SLC22A23: variants seen among roughly 807,000 people sequenced by gnomAD.
SLC22A23 encodes the protein ion transporter protein.
In SLC22A23, 26 loss-of-function variants were observed where a neutral mutation model predicts 61.0. The observed-to-expected ratio is 0.43, with a 90% CI of 0.31 to 0.59. The LOEUF (loss-of-function observed/expected upper bound fraction) is 0.59, where lower values mean the gene tolerates loss of function less well. SLC22A23 is among the 20% of genes least tolerant of loss of function. The pLI, the probability that SLC22A23 is intolerant of heterozygous loss-of-function variation, is 0.11. For synonymous variants in SLC22A23, 430 were observed against 413.9 expected (o/e 1.04, Z -0.47); for missense variants, 796 against 934.7 (o/e 0.85, Z 1.94).
chr6:3,402,781 G>A (rs1356075654), intron 3 of SLC22A23, among the ~76,000 whole-genome samples: 1 of 152,230 alleles, frequency 6.6e-6, no homozygotes, highest in Non-Finnish European at 1.5e-5. Flanking sequence ...GTGCGCTAGA[G>A]GGCAGGAGCA....
chr6:3,371,034 G>T, intron 3 of SLC22A23, among the ~76,000 whole-genome samples: 1 of 152,342 alleles, frequency 6.6e-6, no homozygotes, highest in East Asian at 1.9e-4. Flanking sequence ...AGCTGACGAG[G>T]ATGTTATTTT....
chr6:3,303,982 C>G (rs1761797262), intron 4 of SLC22A23, among the ~76,000 whole-genome samples: 1 of 152,216 alleles, frequency 6.6e-6, no homozygotes, highest in Non-Finnish European at 1.5e-5. Context: ...TTAACAAATG[C>G]TGTTACAAAG....
chr6:3,295,408 G>T (rs1247934200), intron 5 of SLC22A23, among the ~76,000 whole-genome samples: 9 of 127,260 alleles, frequency 7.1e-5, no homozygotes, highest in Admixed American at 6.5e-4. Context: ...GTGAGGTGGT[G>T]GGAGGCAGAG....
chr6:3,379,987 G>C (rs534275035), intron 3 of SLC22A23, among the ~76,000 whole-genome samples: 1 of 152,122 alleles, frequency 6.6e-6, no homozygotes, highest in Non-Finnish European at 1.5e-5. Flanking sequence ...GCACGTGCGT[G>C]CATCTGTACA....
At position 3,273,289 on chromosome 6, in the gene SLC22A23, G is replaced by A. The variant is rs1758598353; in HGVS notation, c.1827C>T (p.Leu609=). The part of the protein sequence containing the change: ...LHHIIFACCT[L]ICIICILLLP... ...GCAGGAGGATGCAGATGATGCAGATGAGCGTGCAGCAGGCAAAGATGATGT... is the reference window on the plus strand; with the variant it reads ...GCAGGAGGATGCAGATGATGCAGATAAGCGTGCAGCAGGCAAAGATGATGT... Residue 609 remains leucine (L), a synonymous_variant, in exon 10 of 10, where the codon CTC becomes CTT. Transcript: ENST00000406686. 6.2e-7 allele frequency: 1 copy of A among 1,613,940 alleles called. No homozygotes were observed. The highest frequency in any genetic ancestry group is 8.5e-7 in the Non-Finnish European group (1 of 1,179,970).
intron 1 of SLC22A23, among the ~76,000 whole-genome samples, chr6:3,448,436 A>AC (rs1772016077): frequency 6.6e-6 from 1 of 152,080 alleles, no homozygotes; most frequent in Non-Finnish European, 1.5e-5. Context: ...CCCACACACC[A>AC]CCAGTTTGTG....
chr6:3,366,262 G>C (rs182988919), intron 3 of SLC22A23, among the ~76,000 whole-genome samples: 1 of 144,560 alleles, frequency 6.9e-6, no homozygotes, highest in East Asian at 2.1e-4. Flanking sequence ...GAACCCGGGA[G>C]GTGGAAGTTG....
Position 3,328,046 on chromosome 6 carries a change from T to C in SLC22A23, c.914-4044A>G. Reference sequence around the variant, plus strand: ...ATATAATTATTGCCAAGTCGCTCATTGGTCTCATTCGACATGGTGAGATCC... The same window carrying C: ...ATATAATTATTGCCAAGTCGCTCATCGGTCTCATTCGACATGGTGAGATCC... On this transcript the variant is annotated intron_variant, in intron 3 of 9. Transcript: ENST00000406686. The surrounding 1 kb of genome is among the most constrained non-coding windows in gnomAD (Gnocchi z 5.0). Among the ~76,000 whole-genome samples the C allele has an allele frequency of 6.6e-6, 1 of 152,056 alleles. No homozygotes were observed. Among genetic ancestry groups the C allele is most frequent in the East Asian group, 1.9e-4 (1 of 5,202 alleles).
At chr6:3,314,842 C>T (rs1022851127) in intron 4 of SLC22A23, among the ~76,000 whole-genome samples, 5 of 152,176 alleles carry the variant, frequency 3.3e-5, no homozygotes, top group African/African-American at 7.2e-5. Flanking sequence ...CACAATCTCA[C>T]GTCCTCCGCG....
intron 4 of SLC22A23, among the ~76,000 whole-genome samples, chr6:3,315,725 G>A (rs1353031047): frequency 3.3e-5 from 5 of 152,062 alleles, no homozygotes; most frequent in African/African-American, 7.2e-5. Flanking sequence ...TTAGCCAGGC[G>A]TGGTGGTGGG....
intron 2 of SLC22A23, among the ~76,000 whole-genome samples, chr6:3,411,615 T>C (rs1037455931): frequency 1.4e-4 from 21 of 146,900 alleles, no homozygotes; most frequent in African/African-American, 5.3e-4. Context: ...ATGCAAATTA[T>C]ATGTCAATAA....
chr6:3,364,078 T>C (rs1181398192), intron 3 of SLC22A23, among the ~76,000 whole-genome samples: 1 of 152,230 alleles, frequency 6.6e-6, no homozygotes, highest in South Asian at 2.1e-4. Flanking sequence ...AGCTTTTGCC[T>C]TCCCTCTCTC....
At position 3,328,364 on chromosome 6, in the gene SLC22A23, C is replaced by T. The variant is rs73354761; in HGVS notation, c.914-4362G>A. On this transcript the variant is annotated intron_variant, in intron 3 of 9. Coordinates refer to ENST00000406686, the MANE Select transcript of SLC22A23 (RefSeq NM_015482.2). The surrounding 1 kb of genome is among the most constrained non-coding windows in gnomAD (Gnocchi z 5.0). ...TCTGGGAGATACGCTTTTCGGAAGTCGTCAGATTCTTACAAATTTTCAGGA... is the reference window on the plus strand; with the variant it reads ...TCTGGGAGATACGCTTTTCGGAAGTTGTCAGATTCTTACAAATTTTCAGGA... Among the ~76,000 whole-genome samples the T allele has an allele frequency of 0.01, 1,595 of 152,142 alleles. 30 individuals carry two copies. The highest frequency in any genetic ancestry group is 0.034 in the African/African-American group (1,431 of 41,486).
rs146545331 is a variant in SLC22A23 at position 3,367,623 on chromosome 6, G to A, written c.913+42565C>T. 1.2e-4 allele frequency among the ~76,000 whole-genome samples: 19 copies of A among 152,300 alleles called. No individual in the cohort carries two copies. The East Asian group carries it at 3.7e-3, about 29-fold the overall frequency. ...CACTCATGTTCCCATCACAGATGAGGAGCCTGAGGGACGTAAGTTAGGTTG... is the reference window on the plus strand; with the variant it reads ...CACTCATGTTCCCATCACAGATGAGAAGCCTGAGGGACGTAAGTTAGGTTG... On this transcript the variant is annotated intron_variant, in intron 3 of 9. Coordinates refer to ENST00000406686, the MANE Select transcript of SLC22A23 (RefSeq NM_015482.2).
At chr6:3,282,386 C>A in intron 9 of SLC22A23, 1 of 692,630 alleles carries the variant, frequency 1.4e-6, no homozygotes, top group South Asian at 1.5e-5. Flanking sequence ...GCATTTCTGT[C>A]CAGGTGCCCA....
At chr6:3,325,983 C>A (rs1763257202) in intron 3 of SLC22A23, among the ~76,000 whole-genome samples, 1 of 152,248 alleles carries the variant, frequency 6.6e-6, no homozygotes, top group Non-Finnish European at 1.5e-5. Context: ...TGACATGATA[C>A]AATGAAAATA....
intron 3 of SLC22A23, among the ~76,000 whole-genome samples, chr6:3,348,627 G>C (rs759836412): frequency 2.6e-5 from 4 of 152,194 alleles, no homozygotes; most frequent in Non-Finnish European, 5.9e-5. Flanking sequence ...GCACGGAGCT[G>C]GGTGTGGTGC....
At chr6:3,428,951 T>A (rs922513198) in intron 1 of SLC22A23, among the ~76,000 whole-genome samples, 7 of 144,814 alleles carry the variant, frequency 4.8e-5, no homozygotes, top group African/African-American at 1.5e-4. Flanking sequence ...TCATGAGTCC[T>A]GAAGAGGGGG....
At chr6:3,296,308 G>A (rs907906982) in intron 5 of SLC22A23, among the ~76,000 whole-genome samples, 5 of 152,266 alleles carry the variant, frequency 3.3e-5, no homozygotes, top group South Asian at 2.1e-4. Context: ...TTAGAGCAGC[G>A]TGGCAAAGCC....
Sources: gnomAD v4.1 joint callset for allele counts (sites outside exome capture counted in the v4.1 genomes callset) on GRCh38, gnomAD v4.1.1 for gene constraint, Gnocchi (gnomAD v3.1) non-coding constraint, MANE v1.5 for transcripts, NCBI Gene and HGNC (gene_info 2026-07-23, HGNC 2026-07-21) for gene names.